ZC4H2: variants seen among roughly 807,000 people sequenced by gnomAD.
ZC4H2 encodes zinc finger C4H2-type containing, also known as zinc finger C4H2 domain-containing protein.
For missense variants in ZC4H2, 137 were observed against 173.9 expected (o/e 0.79, Z 1.19); for synonymous variants, 84 against 66.3 (o/e 1.27, Z -1.30).
chrX:64,954,384 T>TA lies in ZC4H2; in HGVS notation c.53+21940_53+21941insT, dbSNP rs1569215186. ...TATATATATATATAATTATATATATTTATAATTATATATATATATGCTCAA... is the reference window on the plus strand; with the variant it reads ...TATATATATATATAATTATATATATTATATAATTATATATATATATGCTCAA... On this transcript the variant is annotated intron_variant, in intron 1 of 4. Coordinates refer to ENST00000374839, the MANE Select transcript of ZC4H2 (RefSeq NM_018684.4). 1.4e-4 allele frequency among the ~76,000 whole-genome samples: 10 copies of TA among 71,413 alleles called. 1 individual carries two copies. The highest frequency in any genetic ancestry group is 1.0e-3 in the African/African-American group (8 of 7,687). 62.0% of individuals were successfully genotyped at this position (71,413 alleles called of 115,157 possible). A position where few individuals can be genotyped will look rare whatever the true frequency, so the allele number is the denominator to read the frequency against.
intron 1 of ZC4H2, among the ~76,000 whole-genome samples, chrX:65,025,145 CTT>C (rs1177199868): frequency 7.2e-4 from 53 of 73,715 alleles, no homozygotes; most frequent in African/African-American, 2.8e-3. Flanking sequence ...TTGTTTTTTG[CTT>C]TTTTTTTTTT....
At chrX:64,997,752 C>T (rs1340880929) in intron 1 of ZC4H2, among the ~76,000 whole-genome samples, 1 of 111,377 alleles carries the variant, frequency 9.0e-6, no homozygotes, top group Non-Finnish European at 1.9e-5. Flanking sequence ...GGACTACAGG[C>T]ATGGCAGGAC....
At chrX:64,988,448 C>T (rs1333781706) in intron 1 of ZC4H2, among the ~76,000 whole-genome samples, 1 of 111,556 alleles carries the variant, frequency 9.0e-6, no homozygotes, top group Non-Finnish European at 1.9e-5. Context: ...GAGATGGTAT[C>T]TCATTGTGGT....
At chrX:64,933,614 C>T (rs1010011227) in intron 1 of ZC4H2, among the ~76,000 whole-genome samples, 2 of 110,357 alleles carry the variant, frequency 1.8e-5, no homozygotes, top group African/African-American at 6.6e-5. Flanking sequence ...AGGATGAAAA[C>T]TCTGTATGAG....
chrX:64,981,541 A>G (rs192488738), intron 1 of ZC4H2, among the ~76,000 whole-genome samples: 298 of 111,054 alleles, frequency 2.7e-3, no homozygotes, highest in African/African-American at 8.8e-3. Flanking sequence ...AGGCATCTAA[A>G]ATGACTCCTG....
chrX:64,993,522 TAA>T (rs903671858), intron 1 of ZC4H2, among the ~76,000 whole-genome samples: 30 of 111,627 alleles, frequency 2.7e-4, no homozygotes, highest in Non-Finnish European at 5.3e-4. Context: ...CTCTGCCATG[TAA>T]AGTTACAGTG....
chrX:64,964,919 G>A (rs1282918204), intron 1 of ZC4H2, among the ~76,000 whole-genome samples: 1 of 111,773 alleles, frequency 8.9e-6, no homozygotes, highest in Non-Finnish European at 1.9e-5. Context: ...CTCAATTGAA[G>A]GTAGGTTGTG....
chrX:64,992,578 G>A (rs1391781196), intron 1 of ZC4H2, among the ~76,000 whole-genome samples: 2 of 111,260 alleles, frequency 1.8e-5, no homozygotes, highest in Non-Finnish European at 1.9e-5. Flanking sequence ...GTTATCCCAG[G>A]GACCAAAACT....
At chrX:64,941,717 C>A (rs1004167838) in intron 1 of ZC4H2, among the ~76,000 whole-genome samples, 1 of 112,241 alleles carries the variant, frequency 8.9e-6, no homozygotes, top group Non-Finnish European at 1.9e-5. Flanking sequence ...ATATGTTGAA[C>A]TAGCCTTGCA....
At chrX:65,030,321 A>G (rs1932921944) in intron 1 of ZC4H2, among the ~76,000 whole-genome samples, 1 of 109,785 alleles carries the variant, frequency 9.1e-6, no homozygotes, top group Non-Finnish European at 1.9e-5. Context: ...GGGTTTTGCT[A>G]CATTGCCCAG....
intron 1 of ZC4H2, among the ~76,000 whole-genome samples, chrX:64,925,752 G>T (rs1230186391): frequency 8.9e-6 from 1 of 112,282 alleles, no homozygotes; most frequent in Non-Finnish European, 1.9e-5. Context: ...ACAGTTAAGT[G>T]CTGACTTGAC....
At chrX:64,940,635 C>A (rs1189468675) in intron 1 of ZC4H2, among the ~76,000 whole-genome samples, 1 of 111,711 alleles carries the variant, frequency 9.0e-6, no homozygotes, top group Non-Finnish European at 1.9e-5. Context: ...GTTTTCCCAA[C>A]ACTACATATT....
chrX:64,923,918 C>A (rs760364519), intron 1 of ZC4H2, among the ~76,000 whole-genome samples: 8 of 111,388 alleles, frequency 7.2e-5, no homozygotes, highest in South Asian at 3.7e-4. Flanking sequence ...GGCATAAAAA[C>A]ATCAAGGGTT....
At position 64,931,174 on chromosome X, in the gene ZC4H2, T is replaced by C. The variant is rs146595531; in HGVS notation, c.54-9186A>G. ...AGGTGTTCATAGTACACTTCAATTATCTTTTGTATTTCCATGGTATCAGTT... is the reference window on the plus strand; with the variant it reads ...AGGTGTTCATAGTACACTTCAATTACCTTTTGTATTTCCATGGTATCAGTT... On this transcript the variant is annotated intron_variant, in intron 1 of 4. Coordinates refer to ENST00000374839, the MANE Select transcript of ZC4H2 (RefSeq NM_018684.4). 5.8e-4 allele frequency among the ~76,000 whole-genome samples: 65 copies of C among 112,023 alleles called. 1 individual carries two copies. The East Asian group carries it at 0.018, about 31-fold the overall frequency.
At chrX:64,930,359 CTTCT>C (rs775834597) in intron 1 of ZC4H2, among the ~76,000 whole-genome samples, 3 of 111,691 alleles carry the variant, frequency 2.7e-5, no homozygotes, top group Admixed American at 1.9e-4. Context: ...ATGCTCTTTA[CTTCT>C]TTCTCTTGTC....
At chrX:64,957,984 T>A (rs1602418885) in intron 1 of ZC4H2, among the ~76,000 whole-genome samples, 1 of 112,204 alleles carries the variant, frequency 8.9e-6, no homozygotes, top group African/African-American at 3.2e-5. Flanking sequence ...CACTGGAAAG[T>A]CTTCAAGGAA....
intron 1 of ZC4H2, among the ~76,000 whole-genome samples, chrX:65,026,506 G>C (rs1466050160): frequency 9.0e-6 from 1 of 110,687 alleles, no homozygotes; most frequent in Non-Finnish European, 1.9e-5. Flanking sequence ...GCAGGAGATC[G>C]AGACCACCCT....
At chrX:64,962,500 C>T (rs1359081613) in intron 1 of ZC4H2, among the ~76,000 whole-genome samples, 2 of 111,093 alleles carry the variant, frequency 1.8e-5, no homozygotes, top group African/African-American at 6.5e-5. Context: ...CAAGGATGTC[C>T]ACTCTTGACA....
chrX:64,988,406 G>A (rs1271700847), intron 1 of ZC4H2, among the ~76,000 whole-genome samples: 1 of 111,151 alleles, frequency 9.0e-6, no homozygotes, highest in Non-Finnish European at 1.9e-5. Flanking sequence ...GTTGTTTCCT[G>A]ACTTTTTAAT....
Sources: gnomAD v4.1 joint callset for allele counts (sites outside exome capture counted in the v4.1 genomes callset) on GRCh38, gnomAD v4.1.1 for gene constraint, MANE v1.5 for transcripts, NCBI Gene and HGNC (gene_info 2026-07-23, HGNC 2026-07-21) for gene names.